DPF3: variants seen among roughly 807,000 people sequenced by gnomAD.
The protein encoded by DPF3 is double PHD fingers 3.
A neutral mutation model predicts 56.8 loss-of-function variants in DPF3; 18 were observed. The ratio of observed to expected loss-of-function variants is 0.32; its 90% confidence interval spans 0.22 to 0.47. DPF3 has a LOEUF of 0.47. Among genes scored for constraint, DPF3 ranks in the 20% least tolerant of loss-of-function variants. The pLI is 1.00. For missense variants in DPF3, 403 were observed against 488.8 expected (o/e 0.82, Z 1.65); for synonymous variants, 188 against 180.2 (o/e 1.04, Z -0.35).
In DPF3 at chr14:72,853,755, A is replaced by G. The variant is rs188922584; in HGVS notation, c.32+40302T>C. 2.0e-4 allele frequency among the ~76,000 whole-genome samples: 30 copies of G among 152,264 alleles called. No individual in the cohort carries two copies. The East Asian group carries it at 5.2e-3, about 27-fold the overall frequency. On this transcript the variant is annotated intron_variant, in intron 1 of 10. Transcript: ENST00000556509. ...CCTGGGATTACAGGCATGAGCCACC[A>G]TGCCCGGCCTGCTACCTTTTTTACA...
At chr14:72,644,517 G>C (rs1885656120) in intron 8 of DPF3, among the ~76,000 whole-genome samples, 1 of 152,138 alleles carries the variant, frequency 6.6e-6, no homozygotes, top group South Asian at 2.1e-4. Context: ...TTAGAGAGTT[G>C]GAATAGTACA....
intron 1 of DPF3, among the ~76,000 whole-genome samples, chr14:72,872,783 C>G (rs1885954094): frequency 6.6e-6 from 1 of 152,190 alleles, no homozygotes; most frequent in African/African-American, 2.4e-5. Context: ...CTACAACTAT[C>G]TGATCTTTGA....
intron 1 of DPF3, among the ~76,000 whole-genome samples, chr14:72,821,133 C>CAAA (rs976081670): frequency 5.1e-5 from 6 of 116,900 alleles, no homozygotes; most frequent in Admixed American, 8.7e-5. Context: ...AACTCTATCT[C>CAAA]AAAAAAAAAA....
intron 3 of DPF3, chr14:72,742,417 G>A (rs1410219923): frequency 6.6e-6 from 1 of 152,308 alleles, no homozygotes; most frequent in Non-Finnish European, 1.5e-5. Context: ...GCCGGGAGAA[G>A]GTCGCGTTGT....
intron 1 of DPF3, among the ~76,000 whole-genome samples, chr14:72,889,358 G>A (rs2140135299): frequency 6.6e-6 from 1 of 152,322 alleles, no homozygotes. Context: ...AATGAGGTTT[G>A]GAGAATTTAG....
chr14:72,862,303 ACACAC>A (rs1885471202), intron 1 of DPF3, among the ~76,000 whole-genome samples: 1 of 152,138 alleles, frequency 6.6e-6, no homozygotes, highest in African/African-American at 2.4e-5. Flanking sequence ...TGGAGCCCAC[ACACAC>A]CTGCTGCCCT....
chr14:72,739,050 G>A (rs112925275), intron 3 of DPF3, among the ~76,000 whole-genome samples: 8,985 of 152,006 alleles, frequency 0.059, 362 homozygotes, highest in South Asian at 0.16. Context: ...GACCAGCCTG[G>A]CCTACATGGT....
intron 9 of DPF3, among the ~76,000 whole-genome samples, chr14:72,625,017 T>G (rs1012243484): frequency 1.3e-5 from 2 of 152,192 alleles, no homozygotes; most frequent in African/African-American, 4.8e-5. Context: ...TTTTTCCCTT[T>G]GTAATATACT....
chr14:72,816,695 A>G (rs1883304702), intron 1 of DPF3, among the ~76,000 whole-genome samples: 1 of 152,176 alleles, frequency 6.6e-6, no homozygotes, highest in African/African-American at 2.4e-5. Context: ...TTAAAATGCT[A>G]TGCAAATTAT....
intron 1 of DPF3, among the ~76,000 whole-genome samples, chr14:72,828,932 T>C (rs1353610540): frequency 1.3e-5 from 2 of 152,174 alleles, no homozygotes; most frequent in Non-Finnish European, 2.9e-5. Context: ...GGACTGGGTG[T>C]CCCACTGGAG....
chr14:72,892,761 G>C (rs1245395766), intron 1 of DPF3: 1 of 936,932 alleles, frequency 1.1e-6, no homozygotes, highest in South Asian at 4.8e-5. Flanking sequence ...CTGCGGCTTC[G>C]TCCGGGCGGG....
At chr14:72,789,405 A>G (rs1892338639) in intron 1 of DPF3, among the ~76,000 whole-genome samples, 2 of 152,200 alleles carry the variant, frequency 1.3e-5, no homozygotes, top group African/African-American at 2.4e-5. Flanking sequence ...CTTGTTTCAG[A>G]GTCTGGGCTC....
At chr14:72,795,365 G>A (rs921438070) in intron 1 of DPF3, among the ~76,000 whole-genome samples, 1 of 149,598 alleles carries the variant, frequency 6.7e-6, no homozygotes, top group Non-Finnish European at 1.5e-5. Flanking sequence ...ACATCGCTCT[G>A]GGTTCAAATC....
chr14:72,821,610 GGAGT>G (rs1883548138), intron 1 of DPF3, among the ~76,000 whole-genome samples: 1 of 151,632 alleles, frequency 6.6e-6, no homozygotes. Flanking sequence ...ACCTTAGAAA[GGAGT>G]GAGATGTGTA....
intron 8 of DPF3, among the ~76,000 whole-genome samples, chr14:72,632,299 A>T (rs1885212979): frequency 6.6e-6 from 1 of 152,216 alleles, no homozygotes; most frequent in South Asian, 2.1e-4. Flanking sequence ...ACACATACAC[A>T]TATGTATTTG....
At chr14:72,811,037 G>C (rs144051727) in intron 1 of DPF3, among the ~76,000 whole-genome samples, 4 of 152,214 alleles carry the variant, frequency 2.6e-5, no homozygotes, top group Non-Finnish European at 5.9e-5. Context: ...CAATCATGGC[G>C]GAAGGTGAAA....
intron 5 of DPF3, among the ~76,000 whole-genome samples, chr14:72,722,908 C>T (rs2139840941): frequency 6.6e-6 from 1 of 152,144 alleles, no homozygotes; most frequent in Non-Finnish European, 1.5e-5. Flanking sequence ...TTTCCTTGTC[C>T]CATCCGAGGA....
intron 1 of DPF3, among the ~76,000 whole-genome samples, chr14:72,860,710 C>T (rs1016646402): frequency 2.0e-5 from 3 of 152,052 alleles, no homozygotes; most frequent in Admixed American, 6.6e-5. Flanking sequence ...AGATTACAGG[C>T]GTGCACCACC....
chr14:72,756,630 T>C lies in DPF3; in HGVS notation c.194-3259A>G, dbSNP rs377726776. On this transcript the variant is annotated intron_variant, in intron 2 of 10. Coordinates refer to ENST00000556509, the MANE Select transcript of DPF3 (RefSeq NM_001280542.3). ...GAGTTCAAGACCAGCCTGGCCAACA[T>C]GGTGAAACCTCATCTCTATCAAAAA... is the stretch of plus-strand genomic sequence containing the variant. Among the ~76,000 whole-genome samples the C allele has an allele frequency of 7.2e-5, 11 of 152,124 alleles. No individual in the cohort carries two copies. In the South Asian group the frequency reaches 2.1e-3, roughly 29 times the overall value.
Sources: gnomAD v4.1 joint callset for allele counts (sites outside exome capture counted in the v4.1 genomes callset) on GRCh38, gnomAD v4.1.1 for gene constraint, MANE v1.5 for transcripts, NCBI Gene and HGNC (gene_info 2026-07-23, HGNC 2026-07-21) for gene names.